Variants in TRPM3 observed in about 807,000 individuals in gnomAD.
The protein encoded by TRPM3 is transient receptor potential cation channel subfamily M member 3.
Under a neutral mutation model 181.2 loss-of-function variants are expected in TRPM3, and 77 were observed. The observed-to-expected ratio is 0.42, with a 90% CI of 0.35 to 0.51. The LOEUF is 0.51. Ranked by LOEUF, TRPM3 falls within the 20% of genes least tolerant of loss-of-function variation. The pLI is 0.01. For missense variants in TRPM3, 1,759 were observed against 2,196.7 expected, an observed-to-expected ratio of 0.80 and a Z score of 3.98; for synonymous variants, 745 against 796.4, an observed-to-expected ratio of 0.94 and a Z score of 1.09.
At chr9:71,008,359 T>A (rs544309664) in intron 1 of TRPM3, among the ~76,000 whole-genome samples, 2 of 149,514 alleles carry the variant, frequency 1.3e-5, no homozygotes, top group South Asian at 4.3e-4. Flanking sequence ...TATTAATACT[T>A]CTCAAACTGT....
chr9:71,271,859 G>C (rs963025755), intron 1 of TRPM3, among the ~76,000 whole-genome samples: 2 of 152,068 alleles, frequency 1.3e-5, no homozygotes, highest in Admixed American at 6.6e-5. Context: ...AAAGAAAGGG[G>C]CAAACTGTAG....
intron 1 of TRPM3, among the ~76,000 whole-genome samples, chr9:71,244,748 C>G (rs1277903960): frequency 6.6e-6 from 1 of 152,048 alleles, no homozygotes; most frequent in Non-Finnish European, 1.5e-5. Context: ...TTGCTAGGTG[C>G]TTGGGGCAGG....
In TRPM3 at chr9:70,761,721, C is replaced by T. The variant is rs760523453; in HGVS notation, c.1152G>A (p.Leu384=). The change falls in exon 8 of 26, where the codon CTG becomes CTA. Residue 384 remains leucine (L), a synonymous_variant. Transcript: ENST00000677713. The stretch of plus-strand genomic sequence containing the variant: ...GCTGGTCCCTCAAAGATTCATTTAT[C>T]AGTCTGCAAGTAAAAACAATGTCAA... The part of the protein sequence containing the change: ...FGHKYSEEGG[L]INESLRDQLL... The T allele has an allele frequency of 1.5e-5, 24 of 1,609,952 alleles. No homozygotes were observed. In the South Asian group the frequency reaches 2.3e-4, roughly 16 times the overall value.
At chr9:71,196,637 A>T (rs1039254228) in intron 1 of TRPM3, among the ~76,000 whole-genome samples, 1 of 151,970 alleles carries the variant, frequency 6.6e-6, no homozygotes, top group African/African-American at 2.4e-5. Flanking sequence ...CAATTTCTTC[A>T]GTAATTGACA....
intron 6 of TRPM3, among the ~76,000 whole-genome samples, chr9:70,813,527 G>T (rs567002685): frequency 6.6e-6 from 1 of 152,092 alleles, no homozygotes; most frequent in East Asian, 1.9e-4. Context: ...AAGGAGGCAG[G>T]GGCTGAAAAT....
At chr9:70,673,386 C>T (rs1020292229) in intron 9 of TRPM3, among the ~76,000 whole-genome samples, 3 of 151,500 alleles carry the variant, frequency 2.0e-5, no homozygotes, top group Admixed American at 2.0e-4. Flanking sequence ...TCAGAAGACA[C>T]AAGGAAGCTA....
intron 8 of TRPM3, among the ~76,000 whole-genome samples, chr9:70,695,625 A>T (rs1164023001): frequency 2.0e-5 from 3 of 152,208 alleles, no homozygotes; most frequent in Non-Finnish European, 2.9e-5. Context: ...GCTGCCTCTG[A>T]ACTATGTGAA....
chr9:70,987,572 C>T (rs1046020105), intron 1 of TRPM3, among the ~76,000 whole-genome samples: 2 of 152,142 alleles, frequency 1.3e-5, no homozygotes, highest in Admixed American at 1.3e-4. Context: ...ATGGCAAAAA[C>T]CGCAATTAAT....
At chr9:71,046,220 C>T (rs1238831736) in intron 1 of TRPM3, among the ~76,000 whole-genome samples, 6 of 152,214 alleles carry the variant, frequency 3.9e-5, no homozygotes, top group South Asian at 2.1e-4. Flanking sequence ...CTCCTAACCT[C>T]GTGATCCACC....
intron 1 of TRPM3, among the ~76,000 whole-genome samples, chr9:71,402,142 C>A (rs1028203329): frequency 1.3e-5 from 2 of 152,230 alleles, no homozygotes; most frequent in Admixed American, 1.3e-4. Flanking sequence ...CAAGTCTACA[C>A]AGCCTGGCAC....
chr9:70,643,427 C>T (rs1247739144), intron 9 of TRPM3, among the ~76,000 whole-genome samples: 1 of 152,142 alleles, frequency 6.6e-6, no homozygotes, highest in Non-Finnish European at 1.5e-5. Context: ...TAGCAGGAAG[C>T]AGTTATTGAG....
chr9:71,175,506 G>A (rs964139371), intron 1 of TRPM3, among the ~76,000 whole-genome samples: 1 of 152,188 alleles, frequency 6.6e-6, no homozygotes, highest in African/African-American at 2.4e-5. Context: ...AAAAGGCACA[G>A]AGTGATGTCA....
intron 1 of TRPM3, among the ~76,000 whole-genome samples, chr9:71,443,353 T>C (rs992820802): frequency 1.2e-4 from 18 of 152,172 alleles, no homozygotes; most frequent in Admixed American, 2.6e-4. Context: ...AAAAGTCTTT[T>C]CAAATCAACA....
chr9:70,812,005 G>T (rs948908721), intron 6 of TRPM3, among the ~76,000 whole-genome samples: 1 of 152,084 alleles, frequency 6.6e-6, no homozygotes. Flanking sequence ...TACCAATTTG[G>T]TTATTGTTTC....
intron 22 of TRPM3, among the ~76,000 whole-genome samples, chr9:70,572,246 CTT>C (rs1312586342): frequency 6.6e-6 from 1 of 152,084 alleles, no homozygotes; most frequent in Non-Finnish European, 1.5e-5. Flanking sequence ...TTTTAACAAA[CTT>C]AAATAATTTT....
intron 1 of TRPM3, among the ~76,000 whole-genome samples, chr9:70,938,519 A>G (rs542330332): frequency 6.6e-6 from 1 of 152,034 alleles, no homozygotes; most frequent in African/African-American, 2.4e-5. Context: ...TCCTCTTTGC[A>G]GATTTCTTGT....
At chr9:70,603,912 G>A (rs1328258106) in intron 19 of TRPM3, among the ~76,000 whole-genome samples, 1 of 152,176 alleles carries the variant, frequency 6.6e-6, no homozygotes, top group Admixed American at 6.5e-5. Flanking sequence ...CAAAGGAAGA[G>A]GAAGACACAT....
Position 71,408,507 on chromosome 9 carries a change from A to T in TRPM3, c.183+38146T>A, listed in dbSNP as rs184531384. On this transcript the variant is annotated intron_variant, in intron 1 of 24. Coordinates refer to the TRPM3 transcript ENST00000357533. ...TCAAGTGGAAAAAAGGGTATCAGTG[A>T]TTGAAGATCAAATGAATGAAATGAA... is the stretch of plus-strand genomic sequence containing the variant. 2.0e-5 allele frequency among the ~76,000 whole-genome samples: 3 copies of T among 152,350 alleles called. No homozygotes were observed. The East Asian group carries it at 5.8e-4, about 29-fold the overall frequency.
intron 1 of TRPM3, among the ~76,000 whole-genome samples, chr9:71,188,385 C>T (rs1027521952): frequency 6.6e-6 from 1 of 151,704 alleles, no homozygotes; most frequent in African/African-American, 2.4e-5. Context: ...TTTAGAGTTG[C>T]CATCCATAGG....
Sources: allele counts gnomAD v4.1 joint callset (sites outside exome capture counted in the v4.1 genomes callset), GRCh38; gene constraint gnomAD v4.1.1; transcripts MANE v1.5; gene names NCBI Gene and HGNC (gene_info 2026-07-23, HGNC 2026-07-21).